EIF3E: variants seen among roughly 807,000 people sequenced by gnomAD.
EIF3E encodes eukaryotic translation initiation factor 3 subunit E.
A neutral mutation model predicts 59.3 loss-of-function variants in EIF3E; 25 were observed. The observed-to-expected ratio is 0.42, with a 90% CI of 0.31 to 0.59. The LOEUF (loss-of-function observed/expected upper bound fraction) is 0.59. Ranked by LOEUF, EIF3E falls within the 20% of genes least tolerant of loss-of-function variation. EIF3E has a pLI of 0.15. For synonymous variants in EIF3E, 176 were observed against 170.2 expected (o/e 1.03, Z -0.26); for missense variants, 317 against 534.3 (o/e 0.59, Z 4.01).
intron 10 of EIF3E, among the ~76,000 whole-genome samples, chr8:108,205,507 G>T (rs1438608173): frequency 6.6e-6 from 1 of 152,130 alleles, no homozygotes; most frequent in African/African-American, 2.4e-5. Context: ...CTTATCCGTA[G>T]TTCCACTTTC....
chr8:108,234,355 T>A (rs1287240082), intron 5 of EIF3E: 1 of 152,212 alleles, frequency 6.6e-6, no homozygotes, highest in African/African-American at 2.4e-5. Context: ...TTAATTTGGC[T>A]TCACACAACT....
intron 9 of EIF3E, among the ~76,000 whole-genome samples, chr8:108,215,943 G>A (rs1815293685): frequency 2.0e-5 from 3 of 152,036 alleles, no homozygotes; most frequent in Non-Finnish European, 4.4e-5. Context: ...GAATTGCCTG[G>A]TTTATCACAA....
intron 1 of EIF3E, chr8:108,242,477 T>C: frequency 4.0e-6 from 5 of 1,259,108 alleles, no homozygotes; most frequent in Non-Finnish European, 5.1e-6. Context: ...CAACATGAAG[T>C]GTACTGAGTA....
At chr8:108,248,460 G>A (rs985522525) in intron 1 of EIF3E, among the ~76,000 whole-genome samples, 153 bp downstream of exon 1, 5 of 152,052 alleles carry the variant, frequency 3.3e-5, no homozygotes, top group Non-Finnish European at 2.9e-5. Context: ...CTGAGACGAC[G>A]CTAAACTACC....
intron 7 of EIF3E, among the ~76,000 whole-genome samples, chr8:108,217,715 A>G (rs965324477): frequency 6.6e-6 from 1 of 152,124 alleles, no homozygotes; most frequent in Admixed American, 6.6e-5. Flanking sequence ...TAATTATCCT[A>G]TTATTATTTT....
chr8:108,239,387 ATAG>A, intron 3 of EIF3E, among the ~76,000 whole-genome samples: 1 of 152,206 alleles, frequency 6.6e-6, no homozygotes, highest in Non-Finnish European at 1.5e-5. Context: ...TTTTGGTAAG[ATAG>A]AGGGTTTCGC....
intron 10 of EIF3E, among the ~76,000 whole-genome samples, chr8:108,206,993 CTTGTTGATCTTTTAT>C (rs1815114433): frequency 6.6e-6 from 1 of 152,122 alleles, no homozygotes; most frequent in Admixed American, 6.5e-5. Context: ...TTGCACTGTG[CTTGTTGATCTTTTAT>C]TTGTTGATCT....
At chr8:108,223,770 T>G (rs1815467763) in intron 7 of EIF3E, among the ~76,000 whole-genome samples, 2 of 146,690 alleles carry the variant, frequency 1.4e-5, no homozygotes, top group South Asian at 4.1e-4. Context: ...TCAACACTTT[T>G]CAAATGTGTA....
chr8:108,220,240 A>G (rs933056543), intron 7 of EIF3E, among the ~76,000 whole-genome samples: 3 of 152,196 alleles, frequency 2.0e-5, no homozygotes, highest in African/African-American at 4.8e-5. Flanking sequence ...TTAATTGAGC[A>G]CATTTAGAAA....
intron 1 of EIF3E, 61 bp downstream of exon 1, chr8:108,248,545 CCACCTTT>C: frequency 1.3e-6 from 2 of 1,525,832 alleles, no homozygotes; most frequent in Non-Finnish European, 1.8e-6. Context: ...ACTACAGACA[CCACCTTT>C]CGGCCTTGCT....
At chr8:108,213,754 A>G (rs1360543048) in intron 10 of EIF3E, among the ~76,000 whole-genome samples, 1 of 152,230 alleles carries the variant, frequency 6.6e-6, no homozygotes, top group Non-Finnish European at 1.5e-5. Flanking sequence ...AAGCTACAGT[A>G]AAGTGCTAAT....
intron 10 of EIF3E, among the ~76,000 whole-genome samples, chr8:108,205,407 A>C (rs1815081341): frequency 6.6e-6 from 1 of 152,104 alleles, no homozygotes; most frequent in Non-Finnish European, 1.5e-5. Flanking sequence ...ACTATTTCTT[A>C]GTTTTCTAAC....
At chr8:108,231,269 A>T (rs1815616598) in intron 5 of EIF3E, among the ~76,000 whole-genome samples, 1 of 152,178 alleles carries the variant, frequency 6.6e-6, no homozygotes, top group African/African-American at 2.4e-5. Context: ...ATACATTATT[A>T]TTTTATGTTT....
intron 7 of EIF3E, among the ~76,000 whole-genome samples, chr8:108,223,345 C>T (rs1263249836): frequency 6.6e-6 from 1 of 152,134 alleles, no homozygotes; most frequent in African/African-American, 2.4e-5. Context: ...ACTAAGTAGA[C>T]CTCCAGATGA....
At chr8:108,204,589 A>T (rs1242234459) in intron 10 of EIF3E, among the ~76,000 whole-genome samples, 1 of 151,964 alleles carries the variant, frequency 6.6e-6, no homozygotes, top group Admixed American at 6.6e-5. Context: ...TAAAATTTTT[A>T]AAAAAGTAAG....
chr8:108,223,554 T>A (rs940578868), intron 7 of EIF3E, among the ~76,000 whole-genome samples: 1 of 152,194 alleles, frequency 6.6e-6, no homozygotes, highest in African/African-American at 2.4e-5. Context: ...ATTATTTTTA[T>A]TGAGAAAACA....
chr8:108,243,666 T>C (rs1031224308), intron 1 of EIF3E, among the ~76,000 whole-genome samples: 2 of 148,082 alleles, frequency 1.4e-5, no homozygotes, highest in Admixed American at 6.7e-5. Context: ...AAAAAGGATG[T>C]CTGTAATGTT....
At chr8:108,220,123 G>A (rs543509569) in intron 7 of EIF3E, among the ~76,000 whole-genome samples, 1 of 149,798 alleles carries the variant, frequency 6.7e-6, no homozygotes, top group South Asian at 2.1e-4. Context: ...AGGCCTGGGC[G>A]ACGGAGCAAG....
At chr8:108,242,411 G>A (rs2129926361) in intron 1 of EIF3E, 17 of 1,289,284 alleles carry the variant, frequency 1.3e-5, no homozygotes, top group Non-Finnish European at 1.7e-5. Context: ...ATCCAAAAAA[G>A]CATAATTTAA....
Sources: allele counts gnomAD v4.1 joint callset (sites outside exome capture counted in the v4.1 genomes callset), GRCh38; gene constraint gnomAD v4.1.1; transcripts MANE v1.5; gene names NCBI Gene and HGNC (gene_info 2026-07-23, HGNC 2026-07-21).